The following UCK2 variants were observed in gnomAD, a reference collection of about 807,000 sequenced individuals.
UCK2 encodes cytidine monophosphokinase 2.
UCK2 carries 6 observed loss-of-function variants against 30.8 expected under a neutral mutation model. The observed-to-expected ratio is 0.19, with a 90% confidence interval of 0.11 to 0.38. The LOEUF is 0.38. UCK2 is among the 10% of genes least tolerant of loss of function. The pLI is 1.00. For synonymous variants in UCK2, 125 were observed against 133.6 expected (o/e 0.94, Z 0.45); for missense variants, 210 against 339.8 (o/e 0.62, Z 3.00).
chr1:165,846,016 G>A (rs1046499515), intron 1 of UCK2, among the ~76,000 whole-genome samples: 28 of 152,176 alleles, frequency 1.8e-4, no homozygotes, highest in Non-Finnish European at 4.4e-5. Context: ...AGTTGACCAG[G>A]TGCAGTGGCT....
intron 1 of UCK2, among the ~76,000 whole-genome samples, chr1:165,867,917 C>T (rs913687032): frequency 4.6e-5 from 7 of 152,144 alleles, no homozygotes; most frequent in South Asian, 2.1e-4. Context: ...TTACTTTGCC[C>T]GGATCCACCA....
At chr1:165,869,417 T>G (rs79094025) in intron 1 of UCK2, among the ~76,000 whole-genome samples, 3,627 of 152,172 alleles carry the variant, frequency 0.024, 141 homozygotes, top group African/African-American at 0.082. Flanking sequence ...GAGTTTCAAC[T>G]TTAAGTTCTT....
intron 1 of UCK2, among the ~76,000 whole-genome samples, chr1:165,886,178 A>G (rs527519356): frequency 6.6e-6 from 1 of 152,342 alleles, no homozygotes; most frequent in South Asian, 2.1e-4. Context: ...ATAATTGTTA[A>G]GTCTTAGCCC....
At chr1:165,869,840 G>T (rs558626748) in intron 1 of UCK2, among the ~76,000 whole-genome samples, 1 of 151,764 alleles carries the variant, frequency 6.6e-6, no homozygotes, top group South Asian at 2.1e-4. Context: ...CTTTTTTGTG[G>T]ACGTCTTGCA....
In UCK2 at chr1:165,877,367, G is replaced by A. The variant is rs142754624; in HGVS notation, c.100-12837G>A. Among the ~76,000 whole-genome samples the A allele has an allele frequency of 5.2e-4, 79 of 152,290 alleles. 1 individual carries two copies. Among genetic ancestry groups the A allele is most frequent in the South Asian group, 2.3e-3 (11 of 4,830 alleles). The stretch of plus-strand genomic sequence containing the variant: ...TTACAAAAGACACCGGGATGTTGAC[G>A]TTGATACAGTGAAGATACAGAACAC... On this transcript the variant is annotated intron_variant, in intron 1 of 6. Coordinates refer to ENST00000367879, the MANE Select transcript of UCK2 (RefSeq NM_012474.5).
chr1:165,831,381 C>G (rs1654042973), intron 1 of UCK2, among the ~76,000 whole-genome samples: 1 of 152,208 alleles, frequency 6.6e-6, no homozygotes, highest in South Asian at 2.1e-4. Flanking sequence ...AAGACCCCAT[C>G]TCAAAAGCAA....
intron 1 of UCK2, among the ~76,000 whole-genome samples, chr1:165,836,972 G>C (rs887023883): frequency 1.3e-5 from 2 of 152,156 alleles, no homozygotes; most frequent in Admixed American, 6.5e-5. Context: ...AGGAGAGGAG[G>C]GGGAGGGAAG....
chr1:165,836,135 G>A (rs1018133140), intron 1 of UCK2, among the ~76,000 whole-genome samples: 2 of 152,116 alleles, frequency 1.3e-5, no homozygotes, highest in African/African-American at 2.4e-5. Context: ...GGCTGAGGCA[G>A]GAGAATCACT....
intron 1 of UCK2, among the ~76,000 whole-genome samples, chr1:165,867,463 A>ATT (rs1655074635): frequency 6.6e-6 from 1 of 152,246 alleles, no homozygotes; most frequent in Non-Finnish European, 1.5e-5. Flanking sequence ...AAAAAATAAA[A>ATT]AATTTAAAAA....
chr1:165,873,978 G>T (rs1655268817), intron 1 of UCK2, among the ~76,000 whole-genome samples: 1 of 152,046 alleles, frequency 6.6e-6, no homozygotes, highest in South Asian at 2.1e-4. Flanking sequence ...GGCAATTTCA[G>T]TGTAAACATA....
chr1:165,901,953 A>AC (rs1320336077), intron 4 of UCK2, among the ~76,000 whole-genome samples: 2 of 151,052 alleles, frequency 1.3e-5, no homozygotes, highest in Admixed American at 1.3e-4. Context: ...CTACCAAAAA[A>AC]AAAAAAAAAA....
chr1:165,890,275 C>T lies in UCK2; in HGVS notation c.171C>T (p.Val57=). 2 of 1,614,160 alleles carry T rather than the reference C, an allele frequency of 1.2e-6. No homozygotes were observed. Among genetic ancestry groups the T allele is most frequent in the Non-Finnish European group, 1.7e-6 (2 of 1,180,050 alleles). The change falls in exon 2 of 7, where the codon GTC becomes GTT. Residue 57 remains valine (V), a synonymous_variant. Transcript: ENST00000367879. ...NEVDYRQKQV[V]ILSQDSFYRV... ...TGGACTATCGCCAGAAGCAGGTGGTCATCCTGAGCCAGGATAGCTTCTACC... is the reference window on the plus strand; with the variant it reads ...TGGACTATCGCCAGAAGCAGGTGGTTATCCTGAGCCAGGATAGCTTCTACC...
intron 1 of UCK2, among the ~76,000 whole-genome samples, chr1:165,832,018 C>T (rs1331784521): frequency 6.6e-6 from 1 of 152,164 alleles, no homozygotes; most frequent in Non-Finnish European, 1.5e-5. Flanking sequence ...ATCTGCCTGC[C>T]TTGGCCTCCC....
At chr1:165,841,208 A>T (rs1027458733) in intron 1 of UCK2, among the ~76,000 whole-genome samples, 10 of 148,484 alleles carry the variant, frequency 6.7e-5, no homozygotes, top group African/African-American at 2.5e-4. Context: ...TTTGAGATGG[A>T]GTTTTGCTCT....
At chr1:165,877,264 T>C (rs1262219398) in intron 1 of UCK2, among the ~76,000 whole-genome samples, 1 of 136,180 alleles carries the variant, frequency 7.3e-6, no homozygotes, top group Non-Finnish European at 1.7e-5. Context: ...TCGCTAATCT[T>C]TTTTTTAGAT....
chr1:165,895,672 T>C (rs1236736720), intron 3 of UCK2: 1 of 985,160 alleles, frequency 1.0e-6, no homozygotes, highest in Non-Finnish European at 1.2e-6. Context: ...AACTTTTCTT[T>C]ATTTTCCCTC....
At chr1:165,846,617 G>T (rs960458505) in intron 1 of UCK2, among the ~76,000 whole-genome samples, 24 of 152,160 alleles carry the variant, frequency 1.6e-4, no homozygotes, top group Non-Finnish European at 3.2e-4. Flanking sequence ...ACCACATGTA[G>T]AATTTAGTTA....
chr1:165,896,113 A>G, intron 3 of UCK2, 77 bp from the exon 4 acceptor site: 1 of 1,576,464 alleles, frequency 6.3e-7, no homozygotes, highest in Non-Finnish European at 8.6e-7. Flanking sequence ...CAGCCCAGCC[A>G]GATGTTCTGG....
chr1:165,881,921 T>G (rs1655509625), intron 1 of UCK2, among the ~76,000 whole-genome samples: 1 of 152,238 alleles, frequency 6.6e-6, no homozygotes, highest in African/African-American at 2.4e-5. Flanking sequence ...AGCCAGAAGA[T>G]CTCTCAGACG....
Sources: allele counts gnomAD v4.1 joint callset (sites outside exome capture counted in the v4.1 genomes callset), GRCh38; gene constraint gnomAD v4.1.1; transcripts MANE v1.5; gene names NCBI Gene and HGNC (gene_info 2026-07-23, HGNC 2026-07-21).